NDUFA10: variants seen among roughly 807,000 people sequenced by gnomAD.
NDUFA10 encodes the protein NADH:ubiquinone oxidoreductase subunit A10, also known as NADH dehydrogenase [ubiquinone] 1 alpha subcomplex subunit 10, mitochondrial.
NDUFA10 carries 40 observed loss-of-function variants against 47.8 expected under a neutral mutation model. That is an observed-to-expected ratio of 0.84 (90% CI 0.65 to 1.09). The LOEUF (loss-of-function observed/expected upper bound fraction) is 1.09. Among genes scored for constraint, NDUFA10 ranks in the 50% least tolerant of loss-of-function variants. NDUFA10 has a pLI of 0.00. For synonymous variants in NDUFA10, 183 were observed against 172.2 expected (o/e 1.06, Z -0.49); for missense variants, 413 against 451.1 (o/e 0.92, Z 0.76).
At chr2:239,936,755 C>A (rs1694272750) in intron 4 of NDUFA10, among the ~76,000 whole-genome samples, 1 of 152,202 alleles carries the variant, frequency 6.6e-6, no homozygotes, top group East Asian at 1.9e-4. Flanking sequence ...GCGTTCAAGA[C>A]CAGCCTGGCC....
intron 4 of NDUFA10, among the ~76,000 whole-genome samples, chr2:239,902,589 C>T (rs149568881): frequency 7.9e-4 from 121 of 152,286 alleles, no homozygotes; most frequent in African/African-American, 2.7e-3. Context: ...TGGAACTGAA[C>T]CCGCAATACC....
intron 4 of NDUFA10, among the ~76,000 whole-genome samples, chr2:239,909,617 A>C (rs1436835061): frequency 6.6e-6 from 1 of 152,228 alleles, no homozygotes; most frequent in African/African-American, 2.4e-5. Context: ...CATCTCAAAA[A>C]CAAAAGCAAA....
intron 9 of NDUFA10, among the ~76,000 whole-genome samples, chr2:239,967,975 A>ACACACACACACAC (rs1559330888): frequency 2.4e-5 from 1 of 42,086 alleles, no homozygotes; most frequent in East Asian, 9.6e-4. Flanking sequence ...CAAGGAAAAA[A>ACACACACACACAC]ATATACACAC....
chr2:239,951,103 T>C (rs1276279773), intron 4 of NDUFA10, among the ~76,000 whole-genome samples: 1 of 152,224 alleles, frequency 6.6e-6, no homozygotes, highest in Non-Finnish European at 1.5e-5. Flanking sequence ...ACACTTCCCG[T>C]TTCAGTCTCA....
intron 4 of NDUFA10, among the ~76,000 whole-genome samples, chr2:239,905,572 C>T (rs569343111): frequency 7.9e-5 from 12 of 152,326 alleles, no homozygotes; most frequent in African/African-American, 2.9e-4. Flanking sequence ...TCACGGGATG[C>T]TGCCGCGTCG....
intron 4 of NDUFA10, among the ~76,000 whole-genome samples, chr2:239,939,457 C>T (rs1019652528): frequency 3.3e-5 from 5 of 152,232 alleles, no homozygotes; most frequent in East Asian, 1.9e-4. Context: ...GGGCCACCCG[C>T]GTACTCCAAC....
chr2:240,010,852 C>T (rs1164093307), intron 6 of NDUFA10, among the ~76,000 whole-genome samples: 1 of 149,388 alleles, frequency 6.7e-6, no homozygotes, highest in Non-Finnish European at 1.5e-5. Flanking sequence ...AATTGCTATA[C>T]TTTTGTTTTT....
intron 9 of NDUFA10, among the ~76,000 whole-genome samples, chr2:239,988,985 A>C (rs1454754245): frequency 6.7e-6 from 1 of 148,540 alleles, no homozygotes; most frequent in Non-Finnish European, 1.5e-5. Context: ...GAAAGGGAGA[A>C]ACAGCACACA....
intron 6 of NDUFA10, among the ~76,000 whole-genome samples, chr2:240,010,818 G>A (rs1448289730): frequency 6.6e-6 from 1 of 152,008 alleles, no homozygotes; most frequent in East Asian, 1.9e-4. Context: ...TAAAATAAAT[G>A]TAAAAATAAA....
intron 1 of NDUFA10, 63 bp downstream of exon 1, chr2:240,025,164 T>TCCCCCCCCCCCCCCCC: frequency 1.7e-6 from 1 of 594,914 alleles, no homozygotes; most frequent in African/African-American, 2.0e-5. Flanking sequence ...GTGGAACTGC[T>TCCCCCCCCCCCCCCCC]CCCCACCCCG....
intron 4 of NDUFA10, among the ~76,000 whole-genome samples, chr2:240,015,074 T>C (rs1697292998): frequency 6.6e-6 from 1 of 152,260 alleles, no homozygotes; most frequent in South Asian, 2.1e-4. Flanking sequence ...AGACAGCAGC[T>C]GTGGTGCCCA....
At chr2:239,908,670 G>A (rs895067847) in intron 4 of NDUFA10, among the ~76,000 whole-genome samples, 5 of 152,222 alleles carry the variant, frequency 3.3e-5, no homozygotes, top group South Asian at 2.1e-4. Flanking sequence ...ACAAGAAAAT[G>A]GGATAAACTT....
Position 240,016,533 on chromosome 2 carries a change from C to T in NDUFA10, c.548-1673G>A, listed in dbSNP as rs1697356230. 6.6e-6 allele frequency among the ~76,000 whole-genome samples: 1 copy of T among 152,162 alleles called. No individual in the cohort carries two copies. The highest frequency in any genetic ancestry group is 2.1e-4 in the South Asian group (1 of 4,824). ...CATCACCAGCCCCCGAAAGGTGAAACGTGACAGTCACTTCTCAGTTCCCAT... is the reference window on the plus strand; with the variant it reads ...CATCACCAGCCCCCGAAAGGTGAAATGTGACAGTCACTTCTCAGTTCCCAT... On this transcript the variant is annotated intron_variant, in intron 4 of 9. Transcript: ENST00000252711. This position sits in a 1 kb window ranked among gnomAD's most constrained non-coding sequence, Gnocchi z 4.4.
chr2:239,897,433 G>A (rs372904643), intron 4 of NDUFA10, among the ~76,000 whole-genome samples: 6 of 152,096 alleles, frequency 3.9e-5, no homozygotes, highest in Admixed American at 2.6e-4. Flanking sequence ...TAACATGCAC[G>A]TACCACACAC....
chr2:239,965,058 C>T (rs1695004352), intron 9 of NDUFA10, among the ~76,000 whole-genome samples: 1 of 152,130 alleles, frequency 6.6e-6, no homozygotes, highest in Admixed American at 6.5e-5. Context: ...GCAGTACTGA[C>T]AGAGGAAGGG....
At chr2:239,994,970 T>C (rs1363580142) in intron 8 of NDUFA10, among the ~76,000 whole-genome samples, 2 of 152,134 alleles carry the variant, frequency 1.3e-5, no homozygotes, top group Non-Finnish European at 2.9e-5. Context: ...TGAGTGATTT[T>C]ATAGCTTATA....
rs915264110 is a variant in NDUFA10 at position 239,957,386 on chromosome 2, T to C, written c.*3732A>G. The C allele has an allele frequency of 2.6e-5, 4 of 152,192 alleles. No individual in the cohort carries two copies. Among genetic ancestry groups the C allele is most frequent in the African/African-American group, 7.2e-5 (3 of 41,450 alleles). The allele number at this position is 152,192 out of a possible 1,614,324, so 9.4% of individuals were successfully genotyped here. On this transcript the variant is annotated 3_prime_UTR_variant, in exon 10 of 10. Transcript: ENST00000252711. ...ACCAGGTATAGTCTCATTAAAAACA[T>C]GTTTATTCAATGAAACTACATAGCA...
chr2:239,946,713 C>T (rs1186228900), intron 4 of NDUFA10, among the ~76,000 whole-genome samples: 1 of 152,224 alleles, frequency 6.6e-6, no homozygotes, highest in Non-Finnish European at 1.5e-5. Context: ...TTGTCAGGCA[C>T]GCCTGACATG....
At chr2:239,898,435 T>C (rs1693442432) in intron 4 of NDUFA10, among the ~76,000 whole-genome samples, 3 of 151,784 alleles carry the variant, frequency 2.0e-5, no homozygotes, top group South Asian at 2.1e-4. Flanking sequence ...CACTCTGCTC[T>C]TTTTGTCAGC....
Sources: allele counts gnomAD v4.1 joint callset (sites outside exome capture counted in the v4.1 genomes callset), GRCh38; gene constraint gnomAD v4.1.1; non-coding constraint Gnocchi (gnomAD v3.1); transcripts MANE v1.5; gene names NCBI Gene and HGNC (gene_info 2026-07-23, HGNC 2026-07-21).